The following GALNT8 variants were observed in gnomAD, a reference collection of about 807,000 sequenced individuals.
The protein encoded by GALNT8 is probable polypeptide N-acetylgalactosaminyltransferase 8.
In GALNT8, 66 loss-of-function variants were observed where a neutral mutation model predicts 62.7. The ratio of observed to expected loss-of-function variants is 1.05; its 90% CI spans 0.86 to 1.29. GALNT8 has a LOEUF of 1.29. Among genes scored for constraint, GALNT8 ranks in the 50% most tolerant of loss-of-function variants. GALNT8 has a pLI of 0.00. For synonymous variants in GALNT8, 288 were observed against 294.3 expected (o/e 0.98, Z 0.22); for missense variants, 771 against 791.8 (o/e 0.97, Z 0.32).
intron 2 of GALNT8, among the ~76,000 whole-genome samples, chr12:4,727,162 C>T (rs116597956): frequency 1.1e-3 from 164 of 152,240 alleles, no homozygotes; most frequent in African/African-American, 3.7e-3. Context: ...GCGCAAGTCA[C>T]ACCAAAGCCA....
At position 4,726,550 on chromosome 12, in the gene GALNT8, C is replaced by G. The variant is rs1427198077; in HGVS notation, c.230C>G (p.Ala77Gly). The G allele has an allele frequency of 3.1e-6, 5 of 1,612,282 alleles. No individual in the cohort carries two copies. In the African/African-American group the frequency reaches 4.0e-5, roughly 13 times the overall value. ...TTTGCAGAAGAAAGTATGAAATTAG[C>G]TCTGAGGCAACAAGAAAATGTGAAC... ...LQDLKESMKL[A>G]LRQQENVNST... The change falls in exon 2 of 11, where the codon GCT becomes GGT. Residue 77 changes from alanine (A) to glycine (G), a missense_variant. Ala to Gly is a moderately conservative substitution (Grantham distance 60). Coordinates refer to ENST00000252318, the MANE Select transcript of GALNT8 (RefSeq NM_017417.2). This position sits in a 1 kb window ranked among gnomAD's most constrained non-coding sequence, Gnocchi z 4.1.
rs530567612 is a variant in GALNT8 at position 4,726,493 on chromosome 12, A to G, written c.212-39A>G. ...TACCCAGGTAACTAAGGAGGGGCTGAAATGTTTTCTCTCCCACCCCTGTCC... is the reference window on the plus strand; with the variant it reads ...TACCCAGGTAACTAAGGAGGGGCTGGAATGTTTTCTCTCCCACCCCTGTCC... On this transcript the variant is annotated intron_variant, in intron 1 of 10. Coordinates refer to ENST00000252318, the MANE Select transcript of GALNT8 (RefSeq NM_017417.2). This position sits in a 1 kb window ranked among gnomAD's most constrained non-coding sequence, Gnocchi z 4.1. 1.3e-6 allele frequency: 2 copies of G among 1,488,884 alleles called. No individual in the cohort carries two copies. Among genetic ancestry groups the G allele is most frequent in the South Asian group, 1.2e-5 (1 of 80,456 alleles). 92.2% of individuals were successfully genotyped at this position (1,488,884 alleles called of 1,614,324 possible). A position where few individuals can be genotyped will look rare whatever the true frequency, so the allele number is the denominator to read the frequency against.
intron 1 of GALNT8, 111 bp downstream of exon 1, chr12:4,720,999 C>G (rs921796126): frequency 1.5e-6 from 1 of 685,304 alleles, no homozygotes; most frequent in African/African-American, 1.8e-5. Flanking sequence ...ATTTTCATCT[C>G]AGTCGCTCAT....
At chr12:4,772,181 A>G (rs1946427629) in intron 10 of GALNT8, among the ~76,000 whole-genome samples, 1 of 152,196 alleles carries the variant, frequency 6.6e-6, no homozygotes, top group African/African-American at 2.4e-5. Flanking sequence ...TACTGACCCA[A>G]TGCTTCCATC....
At chr12:4,725,997 C>T (rs1347749715) in intron 1 of GALNT8, among the ~76,000 whole-genome samples, 2 of 152,110 alleles carry the variant, frequency 1.3e-5, no homozygotes, top group Non-Finnish European at 2.9e-5. Flanking sequence ...TTAGATTTGC[C>T]TTTGTTAGGC....
intron 1 of GALNT8, among the ~76,000 whole-genome samples, chr12:4,725,860 T>C (rs944300304): frequency 2.0e-5 from 3 of 152,198 alleles, no homozygotes; most frequent in Non-Finnish European, 4.4e-5. Flanking sequence ...GGCCTGCTTT[T>C]GAAGACATTC....
intron 9 of GALNT8, among the ~76,000 whole-genome samples, chr12:4,764,837 C>T (rs1163157997): frequency 7.0e-6 from 1 of 141,990 alleles, no homozygotes; most frequent in African/African-American, 2.6e-5. Context: ...TAGGCTGGAG[C>T]CGCCGCACCT....
In GALNT8 at chr12:4,772,435, T is replaced by A. The variant is rs754528088; in HGVS notation, c.1762-10T>A. ...TTCAGCACCTTGGCTCTGTCTCTCT[T>A]CCCCTCCAGGGAGGAGCTGTCATAA... On this transcript the variant is annotated splice_polypyrimidine_tract_variant and intron_variant, in intron 10 of 10. Transcript: ENST00000252318. 29 of 1,611,996 alleles carry A rather than the reference T, an allele frequency of 1.8e-5. No individual in the cohort carries two copies. In the East Asian group the frequency reaches 5.8e-4, roughly 32 times the overall value.
Position 4,763,239 on chromosome 12 carries a change from C to T in GALNT8, c.1360-14C>T, listed in dbSNP as rs540716446. 6 of 1,607,812 alleles carry T rather than the reference C, an allele frequency of 3.7e-6. No individual in the cohort carries two copies. The highest frequency in any genetic ancestry group is 2.2e-5 in the East Asian group (1 of 44,832). ...TGAATCAAAGCACAGAAACACTTGG[C>T]GTTTTATTTACAGAACTCTGGAATA... is the stretch of plus-strand genomic sequence containing the variant. On this transcript the variant is annotated splice_polypyrimidine_tract_variant and intron_variant, in intron 7 of 10. Coordinates refer to ENST00000252318, the MANE Select transcript of GALNT8 (RefSeq NM_017417.2).
intron 10 of GALNT8, 25 bp downstream of exon 10, chr12:4,765,571 G>T (rs761272257): frequency 3.8e-6 from 6 of 1,572,986 alleles, no homozygotes; most frequent in Non-Finnish European, 2.6e-6. Context: ...TTTGTTTGTT[G>T]GTTTGTTTGT....
chr12:4,760,881 TGTA>T, intron 6 of GALNT8, 74 bp from the exon 7 acceptor site: 1 of 1,239,438 alleles, frequency 8.1e-7, no homozygotes, highest in African/African-American at 1.5e-5. Context: ...GGCTCTAAAA[TGTA>T]GTCTTCTTGT....
intron 2 of GALNT8, among the ~76,000 whole-genome samples, chr12:4,734,157 A>G (rs1398205011): frequency 6.6e-6 from 1 of 152,156 alleles, no homozygotes; most frequent in African/African-American, 2.4e-5. Flanking sequence ...TCCTACTATT[A>G]CTACCAATAC....
At chr12:4,758,637 T>A (rs10849140) in intron 6 of GALNT8, among the ~76,000 whole-genome samples, 16,190 of 58,836 alleles carry the variant, frequency 0.28, 1,542 homozygotes, top group East Asian at 0.4. Context: ...TGTGTGTGTG[T>A]GAGAGAGAGA....
chr12:4,730,972 C>G (rs1946219480), intron 2 of GALNT8, among the ~76,000 whole-genome samples: 1 of 151,066 alleles, frequency 6.6e-6, no homozygotes, highest in Non-Finnish European at 1.5e-5. Flanking sequence ...CTCAGCCTCT[C>G]CGAGTAGCTG....
chr12:4,765,636 C>A, intron 10 of GALNT8, 90 bp downstream of exon 10: 3 of 969,372 alleles, frequency 3.1e-6, no homozygotes, highest in Non-Finnish European at 4.6e-6. Context: ...GGCTAGAGTG[C>A]AGTGGCTTCT....
chr12:4,752,505 T>C lies in GALNT8; in HGVS notation c.1173+6247T>C, dbSNP rs554633961. 6.0e-5 allele frequency among the ~76,000 whole-genome samples: 9 copies of C among 150,956 alleles called. No individual in the cohort carries two copies. The South Asian group carries it at 1.9e-3, about 32-fold the overall frequency. On this transcript the variant is annotated intron_variant, in intron 6 of 10. Transcript: ENST00000252318. Reference sequence around the variant, plus strand: ...TTTTAAGATGATGATGGCTTAACACTATTTGCATAAACAGACAACCAAACA... The same window carrying C: ...TTTTAAGATGATGATGGCTTAACACCATTTGCATAAACAGACAACCAAACA...
chr12:4,748,265 T>C (rs1946308958), intron 6 of GALNT8, among the ~76,000 whole-genome samples: 2 of 152,202 alleles, frequency 1.3e-5, no homozygotes, highest in South Asian at 4.1e-4. Flanking sequence ...TTGCCTGTGC[T>C]TGTGGGGTAT....
intron 6 of GALNT8, among the ~76,000 whole-genome samples, chr12:4,758,635 TGTGAGAGAGAGAGAGA>T (rs1483418755): frequency 1.1e-4 from 5 of 47,280 alleles, no homozygotes; most frequent in Non-Finnish European, 2.3e-4. Flanking sequence ...TGTGTGTGTG[TGTGAGAGAGAGAGAGA>T]GAGAGAGAGA....
chr12:4,720,756 T>A lies in GALNT8; in HGVS notation c.79T>A (p.Phe27Ile), dbSNP rs1297831104. ...LAIAVNLLLV[F>I]SSKGTLQNLF... ...CATTGCTGTCAATCTCCTTCTGGTA[T>A]TTTCTAGCAAGGGGACTTTACAAAA... The change falls in exon 1 of 11, where the codon TTT becomes ATT. Residue 27 changes from phenylalanine (F) to isoleucine (I), a missense_variant. Transcript: ENST00000252318. 3 of 1,613,444 alleles carry A rather than the reference T, an allele frequency of 1.9e-6. No homozygotes were observed.
Sources: allele counts gnomAD v4.1 joint callset (sites outside exome capture counted in the v4.1 genomes callset), GRCh38; gene constraint gnomAD v4.1.1; non-coding constraint Gnocchi (gnomAD v3.1); transcripts MANE v1.5; gene names NCBI Gene and HGNC (gene_info 2026-07-23, HGNC 2026-07-21).